Variants in GREB1L observed in about 807,000 individuals in gnomAD.
GREB1L encodes the protein GREB1 like retinoic acid receptor coactivator.
In GREB1L, 17 loss-of-function variants were observed where a neutral mutation model predicts 200.8. That is an observed-to-expected ratio of 0.08 (90% CI 0.06 to 0.13). The LOEUF (loss-of-function observed/expected upper bound fraction) is 0.13, where lower values mean the gene tolerates loss of function less well. Among genes scored for constraint, GREB1L ranks in the 10% least tolerant of loss-of-function variants. The pLI is 1.00. For missense variants in GREB1L, 1,657 were observed against 2,367.7 expected (o/e 0.70, Z 6.23); for synonymous variants, 789 against 893.0 (o/e 0.88, Z 2.08).
At chr18:21,422,033 T>G (rs2032198258) in intron 7 of GREB1L, among the ~76,000 whole-genome samples, 1 of 152,206 alleles carries the variant, frequency 6.6e-6, no homozygotes, top group Non-Finnish European at 1.5e-5. Flanking sequence ...TACCACAATG[T>G]AGAGAGCAGA....
intron 15 of GREB1L, among the ~76,000 whole-genome samples, chr18:21,467,898 A>T (rs2035324567): frequency 6.6e-6 from 1 of 151,876 alleles, no homozygotes; most frequent in Non-Finnish European, 1.5e-5. Context: ...GGTGGCATGC[A>T]CCTGTAGTCC....
At chr18:21,424,971 A>G (rs1157512064) in intron 7 of GREB1L, among the ~76,000 whole-genome samples, 1 of 152,224 alleles carries the variant, frequency 6.6e-6, no homozygotes, top group African/African-American at 2.4e-5. Flanking sequence ...TCCATATCGT[A>G]GTATGTATCA....
intron 1 of GREB1L, among the ~76,000 whole-genome samples, chr18:21,353,207 G>T (rs574881095): frequency 1.3e-5 from 2 of 151,478 alleles, no homozygotes; most frequent in African/African-American, 4.9e-5. Flanking sequence ...AGAAAGAAAT[G>T]GGACCATATT....
intron 29 of GREB1L, 59 bp from the exon 30 acceptor site, chr18:21,516,554 T>G: frequency 6.8e-7 from 1 of 1,477,292 alleles, no homozygotes; most frequent in Admixed American, 2.0e-5. Context: ...TCTCTGTGTA[T>G]AGTTATCATG....
chr18:21,317,134 C>T (rs1281610424), intron 1 of GREB1L, among the ~76,000 whole-genome samples: 2 of 151,920 alleles, frequency 1.3e-5, no homozygotes, highest in East Asian at 1.9e-4. Flanking sequence ...TGCCTATAAT[C>T]GCAGCTATGC....
intron 10 of GREB1L, 82 bp downstream of exon 10, chr18:21,441,619 T>A: frequency 2.4e-6 from 3 of 1,227,308 alleles, no homozygotes; most frequent in Non-Finnish European, 3.4e-6. Context: ...TTTCATGTAT[T>A]CATGAAGATA....
chr18:21,296,120 G>A (rs1598637687), intron 1 of GREB1L, among the ~76,000 whole-genome samples: 2 of 152,114 alleles, frequency 1.3e-5, no homozygotes, highest in Non-Finnish European at 2.9e-5. Context: ...AAAGACACAT[G>A]CCCTCACATA....
Position 21,499,780 on chromosome 18 carries a change from A to G in GREB1L, c.3443A>G (p.Gln1148Arg), listed in dbSNP as rs747782150. Residue 1148 changes from glutamine (Q) to arginine (R), a missense_variant, in exon 22 of 33, where the codon CAG becomes CGG. Physicochemically the swap from Gln to Arg is conservative, Grantham distance 43. Around this residue, in one of 9 missense-constraint regions of GREB1L, gnomAD observed 512 missense variants for 668.3 expected, o/e 0.77. Coordinates refer to ENST00000424526, the MANE Select transcript of GREB1L (RefSeq NM_001142966.3). Reference protein sequence around the residue: ...VSSSSTADKSQKQSLTPSFQS... With the variant: ...VSSSSTADKSRKQSLTPSFQS... ...TCTTCCAGCACAGCTGACAAGTCCC[A>G]GAAGCAGTCCCTGACCCCCAGCTTT... is the stretch of plus-strand genomic sequence containing the variant. 7.7e-5 allele frequency: 120 copies of G among 1,551,992 alleles called. No homozygotes were observed. Among genetic ancestry groups the G allele is most frequent in the Non-Finnish European group, 1.0e-4 (117 of 1,147,076 alleles).
intron 11 of GREB1L, among the ~76,000 whole-genome samples, chr18:21,447,951 T>C (rs1202075417): frequency 6.6e-6 from 1 of 151,840 alleles, no homozygotes; most frequent in Non-Finnish European, 1.5e-5. Flanking sequence ...ATACTTGAGG[T>C]CAGGAGTTTG....
At position 21,282,322 on chromosome 18, in the gene GREB1L, A is replaced by C. The variant is rs747499159; in HGVS notation, c.-120+39929A>C. On this transcript the variant is annotated intron_variant, in intron 1 of 32. Transcript: ENST00000424526. Reference sequence around the variant, plus strand: ...CCTTTCATGTCGACAAATTAAATTTAGATCTATAAAGTATAAATGGTGTTT... The same window carrying C: ...CCTTTCATGTCGACAAATTAAATTTCGATCTATAAAGTATAAATGGTGTTT... Among the ~76,000 whole-genome samples, 35 of 152,278 alleles carry C rather than the reference A, an allele frequency of 2.3e-4. 1 individual carries two copies. The highest frequency in any genetic ancestry group is 1.9e-3 in the Admixed American group (29 of 15,288).
chr18:21,475,844 C>G (rs1237661805), intron 16 of GREB1L, among the ~76,000 whole-genome samples: 1 of 151,728 alleles, frequency 6.6e-6, no homozygotes, highest in Non-Finnish European at 1.5e-5. Context: ...TGGCACATGC[C>G]TGTAATCCCA....
intron 1 of GREB1L, among the ~76,000 whole-genome samples, chr18:21,348,818 A>G (rs1451337072): frequency 6.6e-6 from 1 of 151,984 alleles, no homozygotes; most frequent in African/African-American, 2.4e-5. Context: ...GGTGGCATGC[A>G]CCTGTAGTCC....
intron 1 of GREB1L, among the ~76,000 whole-genome samples, chr18:21,324,394 G>C (rs1040602698): frequency 2.1e-4 from 32 of 152,116 alleles, no homozygotes; most frequent in African/African-American, 7.5e-4. Flanking sequence ...GATAAATCTT[G>C]ATTAAATATG....
chr18:21,297,035 A>G lies in GREB1L; in HGVS notation c.-120+54642A>G, dbSNP rs2038540647. Among the ~76,000 whole-genome samples the G allele has an allele frequency of 2.0e-5, 3 of 152,254 alleles. No individual in the cohort carries two copies. In the South Asian group the frequency reaches 6.2e-4, roughly 32 times the overall value. On this transcript the variant is annotated intron_variant, in intron 1 of 32. Transcript: ENST00000424526. ...TAGTGTACAGCCGAGGTGAGGGACCATTGCTAGAGTCTCTTTACGTAGAAT... is the reference window on the plus strand; with the variant it reads ...TAGTGTACAGCCGAGGTGAGGGACCGTTGCTAGAGTCTCTTTACGTAGAAT...
chr18:21,283,721 G>A (rs1314094857), intron 1 of GREB1L, among the ~76,000 whole-genome samples: 1 of 152,160 alleles, frequency 6.6e-6, no homozygotes, highest in Non-Finnish European at 1.5e-5. Flanking sequence ...TGGAGTCAAC[G>A]AGTCTGAGAG....
At chr18:21,481,932 C>T (rs2035938054) in intron 17 of GREB1L, among the ~76,000 whole-genome samples, 1 of 152,114 alleles carries the variant, frequency 6.6e-6, no homozygotes, top group Non-Finnish European at 1.5e-5. Context: ...CTTTAGTAAA[C>T]GTATGTATGC....
intron 27 of GREB1L, 119 bp from the exon 28 acceptor site, chr18:21,513,702 C>T (rs2037319987): frequency 1.1e-6 from 1 of 914,500 alleles, no homozygotes; most frequent in South Asian, 1.7e-5. Context: ...TTGGCTCCCA[C>T]CTGCATGGTT....
rs1242949187 is a variant in GREB1L, at chr18:21,452,226, A to C, written c.1984+9A>C. On this transcript the variant is annotated intron_variant, in intron 14 of 32. Transcript: ENST00000424526. ...TCCCACACAAAACCTGGGTAATGTC[A>C]TCTCAGACCAAGAGGAGGAAGTCAG... The C allele has an allele frequency of 6.4e-7, 1 of 1,550,700 alleles. No individual in the cohort carries two copies. Among genetic ancestry groups the C allele is most frequent in the Non-Finnish European group, 8.7e-7 (1 of 1,146,658 alleles).
intron 1 of GREB1L, among the ~76,000 whole-genome samples, chr18:21,284,019 C>A (rs951610760): frequency 6.6e-6 from 1 of 152,208 alleles, no homozygotes; most frequent in African/African-American, 2.4e-5. Flanking sequence ...CTTCTCACCC[C>A]ACTTCAGTAC....
Sources: gnomAD v4.1 joint callset for allele counts (sites outside exome capture counted in the v4.1 genomes callset) on GRCh38, gnomAD v4.1.1 for gene constraint, gnomAD v4.1.1 regional missense constraint, MANE v1.5 for transcripts, NCBI Gene and HGNC (gene_info 2026-07-23, HGNC 2026-07-21) for gene names.